The following L3MBTL4 variants were observed in gnomAD, a reference collection of about 807,000 sequenced individuals.
L3MBTL4 encodes the protein L3MBTL histone methyl-lysine binding protein 4.
L3MBTL4 carries 70 observed loss-of-function variants against 84.5 expected under a neutral mutation model. The ratio of observed to expected loss-of-function variants is 0.83; its 90% CI spans 0.68 to 1.01. The LOEUF is 1.01. Among genes scored for constraint, L3MBTL4 ranks in the 50% least tolerant of loss-of-function variants. L3MBTL4 has a pLI of 0.00. For missense variants in L3MBTL4, 715 were observed against 754.8 expected, an observed-to-expected ratio of 0.95 and a Z score of 0.62; for synonymous variants, 274 against 259.8, an observed-to-expected ratio of 1.05 and a Z score of -0.52.
chr18:6,100,474 A>C (rs2058786054), intron 14 of L3MBTL4, among the ~76,000 whole-genome samples: 1 of 152,166 alleles, frequency 6.6e-6, no homozygotes, highest in South Asian at 2.1e-4. Context: ...GATGATTCTC[A>C]CATCTGTGTC....
chr18:6,090,387 T>G (rs1487943586), intron 15 of L3MBTL4, among the ~76,000 whole-genome samples: 1 of 152,022 alleles, frequency 6.6e-6, no homozygotes, highest in African/African-American at 2.4e-5. Context: ...ATTATAACCC[T>G]GATACAAAGA....
intron 16 of L3MBTL4, among the ~76,000 whole-genome samples, chr18:6,041,395 C>A (rs951686127): frequency 1.3e-5 from 2 of 152,200 alleles, no homozygotes; most frequent in Non-Finnish European, 2.9e-5. Context: ...ACTGGCCCCC[C>A]CTAATTTCTC....
In L3MBTL4 at chr18:6,071,758, AAAAAAAGAAAG is replaced by A. The variant is rs1568066529; in HGVS notation, c.1444+9112_1444+9122del. Among the ~76,000 whole-genome samples, 244 of 140,272 alleles carry A rather than the reference AAAAAAAGAAAG, an allele frequency of 1.7e-3. 3 individuals carry two copies. Among genetic ancestry groups the A allele is most frequent in the African/African-American group, 6.5e-3 (230 of 35,236 alleles). 92.0% of individuals were successfully genotyped at this position (140,272 alleles called of 152,430 possible). ...GAAAGAAGGAAGGAAAGAAAGAAAG[AAAAAAAGAAAG>A]AAAGAAAGAAAGAAAGAAAGAAAGA... On this transcript the variant is annotated intron_variant, in intron 16 of 18. Transcript: ENST00000317931.
At chr18:6,167,960 T>C (rs1435098918) in intron 13 of L3MBTL4, among the ~76,000 whole-genome samples, 2 of 152,194 alleles carry the variant, frequency 1.3e-5, no homozygotes, top group Non-Finnish European at 2.9e-5. Context: ...CTTAAGCTGA[T>C]AAGCAACTTC....
chr18:6,370,737 C>A (rs1251065254), intron 1 of L3MBTL4, among the ~76,000 whole-genome samples: 1 of 152,184 alleles, frequency 6.6e-6, no homozygotes, highest in Non-Finnish European at 1.5e-5. Context: ...CTCTGATAAA[C>A]CCACAGGCCA....
chr18:6,271,349 A>T (rs2048860246), intron 4 of L3MBTL4, among the ~76,000 whole-genome samples: 1 of 152,052 alleles, frequency 6.6e-6, no homozygotes, highest in Admixed American at 6.5e-5. Context: ...TGTACACACT[A>T]AAGTAACACA....
At chr18:6,316,011 A>G (rs923315239) in intron 1 of L3MBTL4, among the ~76,000 whole-genome samples, 7 of 149,996 alleles carry the variant, frequency 4.7e-5, no homozygotes, top group African/African-American at 1.8e-4. Flanking sequence ...GCAGCTCAGA[A>G]CTTTCTAAAC....
chr18:6,135,217 C>A (rs2059995516), intron 14 of L3MBTL4, among the ~76,000 whole-genome samples: 1 of 152,270 alleles, frequency 6.6e-6, no homozygotes, highest in Admixed American at 6.5e-5. Flanking sequence ...CTGCACACAA[C>A]TGGGCCCAAC....
At chr18:6,041,891 AT>A (rs1555636531) in intron 16 of L3MBTL4, among the ~76,000 whole-genome samples, 24 of 149,224 alleles carry the variant, frequency 1.6e-4, no homozygotes, top group African/African-American at 4.9e-4. Flanking sequence ...TGCCTGGCTA[AT>A]TTTTTTTTTG....
intron 16 of L3MBTL4, among the ~76,000 whole-genome samples, chr18:6,079,092 C>T (rs2057977239): frequency 6.6e-6 from 1 of 152,140 alleles, no homozygotes; most frequent in Admixed American, 6.5e-5. Context: ...CCTCGCCTGC[C>T]CTCTGCTCAC....
intron 16 of L3MBTL4, among the ~76,000 whole-genome samples, chr18:6,007,582 C>G (rs959563338): frequency 6.6e-6 from 1 of 152,190 alleles, no homozygotes; most frequent in African/African-American, 2.4e-5. Flanking sequence ...CTGTTTCATT[C>G]TGCCATTCCA....
At chr18:6,299,638 T>A (rs1235998371) in intron 4 of L3MBTL4, among the ~76,000 whole-genome samples, 2 of 152,128 alleles carry the variant, frequency 1.3e-5, no homozygotes, top group Admixed American at 1.3e-4. Flanking sequence ...TGTTATAAAA[T>A]CACTACTAAG....
intron 16 of L3MBTL4, among the ~76,000 whole-genome samples, chr18:5,990,641 G>A (rs1278717408): frequency 2.0e-5 from 3 of 152,176 alleles, no homozygotes; most frequent in Non-Finnish European, 2.9e-5. Flanking sequence ...TAGTAATTGA[G>A]TCCCATGTTT....
At chr18:6,194,883 A>G (rs996441116) in intron 12 of L3MBTL4, among the ~76,000 whole-genome samples, 3 of 152,358 alleles carry the variant, frequency 2.0e-5, no homozygotes, top group African/African-American at 7.2e-5. Flanking sequence ...ATTGCCAAGG[A>G]CTAGCTTCTC....
At chr18:6,279,861 G>A (rs1193261936) in intron 4 of L3MBTL4, among the ~76,000 whole-genome samples, 2 of 152,050 alleles carry the variant, frequency 1.3e-5, no homozygotes, top group Admixed American at 6.6e-5. Flanking sequence ...TAGAGCCACC[G>A]AATGTAATAG....
intron 10 of L3MBTL4, among the ~76,000 whole-genome samples, chr18:6,236,567 C>A (rs1033555396): frequency 1.3e-5 from 2 of 152,284 alleles, no homozygotes; most frequent in South Asian, 2.1e-4. Context: ...AAGAAGCATT[C>A]CATGTCTCTA....
At chr18:6,061,403 T>C (rs1177813033) in intron 16 of L3MBTL4, among the ~76,000 whole-genome samples, 1 of 152,114 alleles carries the variant, frequency 6.6e-6, no homozygotes, top group Non-Finnish European at 1.5e-5. Flanking sequence ...CTTAGATATA[T>C]GTTTTGCAAA....
chr18:6,253,623 G>T (rs6506370), intron 5 of L3MBTL4, among the ~76,000 whole-genome samples: 13,209 of 152,202 alleles, frequency 0.087, 1,853 homozygotes, highest in African/African-American at 0.29. Flanking sequence ...TTGATAATGG[G>T]AATGATATCT....
chr18:6,010,216 T>C (rs1364689661), intron 16 of L3MBTL4, among the ~76,000 whole-genome samples: 26 of 152,132 alleles, frequency 1.7e-4, no homozygotes. Context: ...AGACAGGCAT[T>C]AAAATATAAA....
Sources: allele counts gnomAD v4.1 joint callset (sites outside exome capture counted in the v4.1 genomes callset), GRCh38; gene constraint gnomAD v4.1.1; transcripts MANE v1.5; gene names NCBI Gene and HGNC (gene_info 2026-07-23, HGNC 2026-07-21).